UMPS: variants seen among roughly 807,000 people sequenced by gnomAD.
UMPS encodes the protein uridine monophosphate synthetase.
In UMPS, 21 loss-of-function variants were observed where a neutral mutation model predicts 38.9. The observed-to-expected ratio is 0.54, with a 90% CI of 0.38 to 0.78. The LOEUF is 0.78. Among genes scored for constraint, UMPS ranks in the 30% least tolerant of loss-of-function variants. The pLI is 0.00. For synonymous variants in UMPS, 208 were observed against 219.3 expected (o/e 0.95, Z 0.45); for missense variants, 533 against 591.6 (o/e 0.90, Z 1.03).
chr3:124,748,674 G>A lies in UMPS; in HGVS notation c.*4590G>A, dbSNP rs1362485607. 6.6e-6 allele frequency: 3 copies of A among 453,932 alleles called. No individual in the cohort carries two copies. The highest frequency in any genetic ancestry group is 4.7e-5 in the South Asian group (3 of 64,422). The allele number at this position is 453,932 out of a possible 1,614,324, so 28.1% of individuals were successfully genotyped here. A position where few individuals can be genotyped will look rare whatever the true frequency, so the allele number is the denominator to read the frequency against. ...ACACCCAAAATAAGGGTGGGGAACTGTCAGCAGAGGAGGTCTGTGTCATGT... is the reference window on the plus strand; with the variant it reads ...ACACCCAAAATAAGGGTGGGGAACTATCAGCAGAGGAGGTCTGTGTCATGT... On this transcript the variant is annotated 3_prime_UTR_variant, in exon 6 of 6. Transcript: ENST00000232607.
chr3:124,749,023 C>T lies in UMPS; in HGVS notation c.*4939C>T. On this transcript the variant is annotated 3_prime_UTR_variant, in exon 6 of 6. Coordinates refer to ENST00000232607, the MANE Select transcript of UMPS (RefSeq NM_000373.4). ...CCTTGTGCACAGACAGCTCCATAGT[C>T]CTGCCTCCAATGTCCCAACACTGCA... 2.2e-6 allele frequency: 1 copy of T among 454,084 alleles called. No homozygotes were observed. Among genetic ancestry groups the T allele is most frequent in the Non-Finnish European group, 4.4e-6 (1 of 226,800 alleles). The allele number at this position is 454,084 out of a possible 1,614,324, so 28.1% of individuals were successfully genotyped here. A position where few individuals can be genotyped will look rare whatever the true frequency, so the allele number is the denominator to read the frequency against.
chr3:124,735,576 T>G (rs1335109046), intron 2 of UMPS, among the ~76,000 whole-genome samples: 1 of 152,184 alleles, frequency 6.6e-6, no homozygotes, highest in Non-Finnish European at 1.5e-5. Flanking sequence ...TTAAACTTCA[T>G]GAAAAGTAAT....
intron 2 of UMPS, 140 bp downstream of exon 2, chr3:124,735,386 G>C (rs1409403758): frequency 1.2e-6 from 1 of 804,142 alleles, no homozygotes; most frequent in African/African-American, 1.7e-5. Context: ...ATTTATAATT[G>C]TTACTATAAG....
Position 124,745,450 on chromosome 3 carries a change from G to C in UMPS, c.*1366G>C. The C allele has an allele frequency of 2.2e-6, 1 of 453,214 alleles. No homozygotes were observed. The highest frequency in any genetic ancestry group is 4.4e-6 in the Non-Finnish European group (1 of 226,652). The allele number at this position is 453,214 out of a possible 1,614,324, so 28.1% of individuals were successfully genotyped here. A position where few individuals can be genotyped will look rare whatever the true frequency, so the allele number is the denominator to read the frequency against. On this transcript the variant is annotated 3_prime_UTR_variant, in exon 6 of 6. Coordinates refer to ENST00000232607, the MANE Select transcript of UMPS (RefSeq NM_000373.4). Reference sequence around the variant, plus strand: ...ACGATCTCGGCTCACTGCAACTTCTGCCTCTCTGGTTCAAGCAGTTCTCCT... The same window carrying C: ...ACGATCTCGGCTCACTGCAACTTCTCCCTCTCTGGTTCAAGCAGTTCTCCT...
intron 5 of UMPS, chr3:124,742,566 A>G: frequency 5.3e-6 from 2 of 376,540 alleles, no homozygotes; most frequent in Non-Finnish European, 9.7e-6. Flanking sequence ...AACACTCTGT[A>G]CTTATAAGCC....
intron 1 of UMPS, among the ~76,000 whole-genome samples, chr3:124,734,812 A>G (rs1004590064): frequency 2.6e-5 from 4 of 152,092 alleles, no homozygotes; most frequent in African/African-American, 7.2e-5. Flanking sequence ...CAAGGCCAAG[A>G]GTTTGAGGCC....
chr3:124,743,659 T>TAA (rs1476849230), intron 5 of UMPS, among the ~76,000 whole-genome samples: 2 of 123,516 alleles, frequency 1.6e-5, no homozygotes, highest in East Asian at 2.4e-4. Context: ...TAAATAAAAA[T>TAA]AAATAAATAA....
intron 5 of UMPS, among the ~76,000 whole-genome samples, chr3:124,743,530 C>T (rs9875707): frequency 0.034 from 5,088 of 151,248 alleles, 152 homozygotes; most frequent in African/African-American, 0.077. Flanking sequence ...CCCAGCTACT[C>T]GGGAGGCTGA....
In UMPS at chr3:124,746,203, A is replaced by C. The variant is rs1188508311; in HGVS notation, c.*2119A>C. 2 of 453,834 alleles carry C rather than the reference A, an allele frequency of 4.4e-6. No individual in the cohort carries two copies. The highest frequency in any genetic ancestry group is 8.8e-6 in the Non-Finnish European group (2 of 226,762). 28.1% of individuals were successfully genotyped at this position (453,834 alleles called of 1,614,324 possible). On this transcript the variant is annotated 3_prime_UTR_variant, in exon 6 of 6. Transcript: ENST00000232607. ...CTGTTGATGAACCCTATTTCACAGG[A>C]CCCCTGCTAAGGTGATTTGAGGGGA... is the stretch of plus-strand genomic sequence containing the variant.
chr3:124,742,523 A>G, intron 5 of UMPS: 1 of 507,774 alleles, frequency 2.0e-6, no homozygotes, highest in Non-Finnish European at 3.5e-6. Flanking sequence ...GATAACATGT[A>G]GAATATTTAA....
chr3:124,742,374 A>G (rs554689003), intron 5 of UMPS, 108 bp downstream of exon 5: 72 of 823,572 alleles, frequency 8.7e-5, no homozygotes, highest in Admixed American at 3.2e-4. Flanking sequence ...AAGCCTTCTT[A>G]GTCTAGAACA....
rs111660155 is a variant in UMPS, at chr3:124,738,092, A to C, written c.835A>C (p.Met279Leu). ...LADALGPSIC[M>L]LKTHVDILND... The stretch of plus-strand genomic sequence containing the variant: ...AGATGCTTTAGGACCTAGTATCTGC[A>C]TGCTGAAGACTCATGTAGATATTTT... Residue 279 changes from methionine (M) to leucine (L), a missense_variant, in exon 3 of 6, where the codon ATG (methionine) becomes CTG (leucine). By Grantham distance (15) the Met-to-Leu change is conservative (BLOSUM62 2). Coordinates refer to ENST00000232607, the MANE Select transcript of UMPS (RefSeq NM_000373.4). The C allele has an allele frequency of 1.9e-6, 3 of 1,614,130 alleles. No homozygotes were observed. Among genetic ancestry groups the C allele is most frequent in the Non-Finnish European group, 2.5e-6 (3 of 1,180,056 alleles).
In UMPS at chr3:124,747,032, G is replaced by A; in HGVS notation, c.*2948G>A. 2.2e-6 allele frequency: 1 copy of A among 452,544 alleles called. No homozygotes were observed. Among genetic ancestry groups the A allele is most frequent in the Non-Finnish European group, 4.4e-6 (1 of 226,382 alleles). 28.0% of individuals were successfully genotyped at this position (452,544 alleles called of 1,614,324 possible). On this transcript the variant is annotated 3_prime_UTR_variant, in exon 6 of 6. Transcript: ENST00000232607. ...GTTTTGTTTTGTTTGTTTGATACAG[G>A]GTCTTCACTCTGTTGCCCAGGCTGG...
intron 5 of UMPS, 30 bp downstream of exon 5, chr3:124,742,296 C>A: frequency 6.5e-7 from 1 of 1,530,896 alleles, no homozygotes; most frequent in Non-Finnish European, 9.1e-7. Context: ...GTGGCTCTTC[C>A]AAAAATGCTT....
rs746580831 is a variant in UMPS at position 124,746,261 on chromosome 3, C to G, written c.*2177C>G. On this transcript the variant is annotated 3_prime_UTR_variant, in exon 6 of 6. Transcript: ENST00000232607. ...GGAGGCTCAAATAATCACCCAGCCC[C>G]TGCCACTTACTGAAAGTGTAGGTCC... The G allele has an allele frequency of 8.8e-6, 4 of 454,014 alleles. No individual in the cohort carries two copies. Among genetic ancestry groups the G allele is most frequent in the South Asian group, 4.7e-5 (3 of 64,484 alleles). The allele number at this position is 454,014 out of a possible 1,614,324, so 28.1% of individuals were successfully genotyped here.
intron 5 of UMPS, among the ~76,000 whole-genome samples, chr3:124,742,931 T>A (rs535293590): frequency 1.3e-5 from 2 of 152,334 alleles, no homozygotes; most frequent in South Asian, 2.1e-4. Context: ...CTTCTTTTTT[T>A]AATATATTGT....
chr3:124,738,025 A>T lies in UMPS; in HGVS notation c.768A>T (p.Leu256=). Residue 256 remains leucine, a synonymous_variant, in exon 3 of 6, where the codon CTA becomes CTT. Transcript: ENST00000232607. Reference sequence around the variant, plus strand: ...AAAAGAAGGAGACCAATCTGTGTCTATCTGCTGATGTTTCACTGGCCAGAG... The same window carrying T: ...AAAAGAAGGAGACCAATCTGTGTCTTTCTGCTGATGTTTCACTGGCCAGAG... ...LMQKKETNLC[L]SADVSLAREL... is the part of the protein sequence containing the mutation. 1 of 1,614,234 alleles carries T rather than the reference A, an allele frequency of 6.2e-7. No individual in the cohort carries two copies. The highest frequency in any genetic ancestry group is 8.5e-7 in the Non-Finnish European group (1 of 1,180,036).
At chr3:124,734,211 G>A (rs1428333901) in intron 1 of UMPS, among the ~76,000 whole-genome samples, 2 of 151,788 alleles carry the variant, frequency 1.3e-5, no homozygotes, top group Non-Finnish European at 2.9e-5. Context: ...AAGTACTGGT[G>A]TAAACCTATG....
In UMPS at chr3:124,730,489, AGC is replaced by A; in HGVS notation, c.19_20del (p.Ala7PhefsTer62). MAVARA[A>X]LGPLVTGLYD... Reference sequence around the variant, plus strand: ...GCGCGACAATGGCGGTCGCTCGTGCAGCTTTGGGGCCATTGGTGACGGGTCTG... The same window carrying A: ...GCGCGACAATGGCGGTCGCTCGTGCATTTGGGGCCATTGGTGACGGGTCTG... On this transcript the variant is annotated frameshift_variant, in exon 1 of 6. Transcript: ENST00000232607. LOFTEE classifies it high-confidence loss of function. 3 of 1,614,170 alleles carry A rather than the reference AGC, an allele frequency of 1.9e-6. No homozygotes were observed. The highest frequency in any genetic ancestry group is 2.5e-6 in the Non-Finnish European group (3 of 1,180,002).
Sources: allele counts gnomAD v4.1 joint callset (sites outside exome capture counted in the v4.1 genomes callset), GRCh38; gene constraint gnomAD v4.1.1; transcripts MANE v1.5; gene names NCBI Gene and HGNC (gene_info 2026-07-23, HGNC 2026-07-21).